The following ADAMTS18 variants were observed in gnomAD, a reference collection of about 807,000 sequenced individuals.
ADAMTS18 encodes A disintegrin and metalloproteinase with thrombospondin motifs 18.
ADAMTS18 carries 157 observed loss-of-function variants against 165.9 expected under a neutral mutation model. The ratio of observed to expected loss-of-function variants is 0.95; its 90% CI spans 0.83 to 1.08. The LOEUF (loss-of-function observed/expected upper bound fraction) is 1.08, where lower values mean the gene tolerates loss of function less well. ADAMTS18 is among the 50% of genes least tolerant of loss of function. The pLI, the probability that ADAMTS18 is intolerant of heterozygous loss-of-function variation, is 0.00. For synonymous variants in ADAMTS18, 782 were observed against 578.2 expected (o/e 1.35, Z -5.06); for missense variants, 2,040 against 1,534.0 (o/e 1.33, Z -5.51).
At position 77,291,457 on chromosome 16, in the gene ADAMTS18, C is replaced by G. The variant is rs773382041; in HGVS notation, c.3211G>C (p.Gly1071Arg). ...CACTTCATCTCCCTCTTCCTCACAC[C>G]CAAACCACAGGTTGCAGAACACTAG... is the stretch of plus-strand genomic sequence containing the variant. ...WSECSATCGL[G>R]VRKREMKCSE... Residue 1071 changes from glycine (G) to arginine (R), a missense_variant, in exon 21 of 23, where the codon GGT becomes CGT. Transcript: ENST00000282849. 2 of 1,614,162 alleles carry G rather than the reference C, an allele frequency of 1.2e-6. No individual in the cohort carries two copies. The highest frequency in any genetic ancestry group is 4.5e-5 in the East Asian group (2 of 44,876).
intron 6 of ADAMTS18, 81 bp from the exon 7 acceptor site, chr16:77,362,345 C>G: frequency 6.8e-7 from 1 of 1,476,602 alleles, no homozygotes; most frequent in Non-Finnish European, 9.4e-7. Flanking sequence ...TACAGGCAAA[C>G]ACAGAAACAT....
chr16:77,424,642 A>G (rs900168737), intron 3 of ADAMTS18, among the ~76,000 whole-genome samples: 1 of 152,174 alleles, frequency 6.6e-6, no homozygotes, highest in Non-Finnish European at 1.5e-5. Flanking sequence ...GTTTGTTATG[A>G]GCAAATAATT....
chr16:77,339,815 TC>T (rs1356484067), intron 11 of ADAMTS18, among the ~76,000 whole-genome samples: 2 of 152,182 alleles, frequency 1.3e-5, no homozygotes, highest in African/African-American at 4.8e-5. Flanking sequence ...ACATAACTCC[TC>T]AATTTTTAAA....
intron 10 of ADAMTS18, 95 bp downstream of exon 10, chr16:77,353,638 C>T: frequency 1.9e-6 from 3 of 1,558,778 alleles, no homozygotes; most frequent in Non-Finnish European, 2.7e-6. Context: ...AGAACCTAAC[C>T]CTTGGCCTTG....
intron 12 of ADAMTS18, among the ~76,000 whole-genome samples, chr16:77,334,735 T>TAGTATATATACTGTATACTAC (rs1567491830): frequency 2.6e-5 from 3 of 116,192 alleles, no homozygotes; most frequent in Admixed American, 9.9e-5. Context: ...CTATATACTA[T>TAGTATATATACTGTATACTAC]AGTATATATA....
At chr16:77,313,731 T>G (rs971816238) in intron 16 of ADAMTS18, among the ~76,000 whole-genome samples, 1 of 152,198 alleles carries the variant, frequency 6.6e-6, no homozygotes, top group African/African-American at 2.4e-5. Flanking sequence ...ACTTGGTTTG[T>G]GTACATTTGC....
intron 3 of ADAMTS18, among the ~76,000 whole-genome samples, chr16:77,372,789 C>T (rs1309591708): frequency 6.6e-6 from 1 of 152,130 alleles, no homozygotes; most frequent in Admixed American, 6.5e-5. Context: ...TAGATGCTCG[C>T]GTCTCTTATT....
rs931030783 is a variant in ADAMTS18, at chr16:77,289,387, C to T, written c.3427G>A (p.Val1143Ile). 6.2e-7 allele frequency: 1 copy of T among 1,614,044 alleles called. No individual in the cohort carries two copies. The highest frequency in any genetic ancestry group is 1.7e-5 in the Admixed American group (1 of 60,006). ...ACACAGTGGACTGACCGGGTCTGGA[C>T]CCCTCCCCCACAGGTGACTGTGCAC... ...QQCTVTCGGG[V>I]QTRSVHCVQQ... The change falls in exon 22 of 23, where the codon GTC (valine) becomes ATC (isoleucine). Residue 1143 changes from valine to isoleucine, a missense_variant. Val to Ile is a conservative substitution (Grantham distance 29). Transcript: ENST00000282849.
intron 7 of ADAMTS18, among the ~76,000 whole-genome samples, chr16:77,360,552 C>T (rs1488791511): frequency 6.7e-6 from 1 of 148,226 alleles, no homozygotes; most frequent in Non-Finnish European, 1.5e-5. Context: ...TAACAGATAA[C>T]ACTGTCTGCT....
intron 3 of ADAMTS18, among the ~76,000 whole-genome samples, chr16:77,411,016 A>T (rs2057455607): frequency 6.6e-6 from 1 of 152,068 alleles, no homozygotes; most frequent in South Asian, 2.1e-4. Flanking sequence ...TCCAACTGAA[A>T]CCCTCATTTT....
intron 3 of ADAMTS18, among the ~76,000 whole-genome samples, chr16:77,415,845 C>T (rs936514435): frequency 4.0e-5 from 6 of 151,890 alleles, no homozygotes; most frequent in East Asian, 1.9e-4. Flanking sequence ...GTATGAAGCA[C>T]TTCAAACATA....
At chr16:77,349,048 A>G (rs894960886) in intron 10 of ADAMTS18, among the ~76,000 whole-genome samples, 4 of 152,248 alleles carry the variant, frequency 2.6e-5, no homozygotes, top group Non-Finnish European at 5.9e-5. Context: ...AATGGCATGC[A>G]GTAAACTTGG....
At chr16:77,300,490 T>C in intron 16 of ADAMTS18, 86 bp from the exon 17 acceptor site, 3 of 1,474,630 alleles carry the variant, frequency 2.0e-6, no homozygotes, top group South Asian at 2.3e-5. Context: ...TTTAAAGATA[T>C]TTACATGACA....
At chr16:77,344,590 A>G (rs1038766670) in intron 10 of ADAMTS18, among the ~76,000 whole-genome samples, 2 of 152,158 alleles carry the variant, frequency 1.3e-5, no homozygotes, top group African/African-American at 4.8e-5. Flanking sequence ...ACAGCCAGGA[A>G]AAAGCCATAA....
intron 12 of ADAMTS18, among the ~76,000 whole-genome samples, chr16:77,334,625 A>ATATAC (rs796189884): frequency 8.9e-6 from 1 of 111,894 alleles, no homozygotes. Context: ...TATAGTATAT[A>ATATAC]TACTATAGTA....
chr16:77,357,592 T>C (rs1005605053), intron 8 of ADAMTS18, among the ~76,000 whole-genome samples: 3 of 152,154 alleles, frequency 2.0e-5, no homozygotes, highest in Non-Finnish European at 4.4e-5. Flanking sequence ...GTAGGAGAGA[T>C]TGAAGCCATT....
chr16:77,297,874 C>G (rs115707337), intron 17 of ADAMTS18, among the ~76,000 whole-genome samples: 360 of 140,392 alleles, frequency 2.6e-3, no homozygotes, highest in African/African-American at 9.0e-3. Context: ...GTAGAACTCA[C>G]TAAATATGTA....
chr16:77,434,414 G>T lies in ADAMTS18; in HGVS notation c.178+4C>A. Reference sequence around the variant, plus strand: ...CTTCTTGGGGATGGGGGGCAAATACGAACCATCATTTAATCCGCTGGCGCC... The same window carrying T: ...CTTCTTGGGGATGGGGGGCAAATACTAACCATCATTTAATCCGCTGGCGCC... On this transcript the variant is annotated splice_donor_region_variant and intron_variant, in intron 2 of 22. Transcript: ENST00000282849. 2 of 1,568,024 alleles carry T rather than the reference G, an allele frequency of 1.3e-6. No homozygotes were observed. The highest frequency in any genetic ancestry group is 1.7e-4 in the Middle Eastern group (1 of 6,004).
intron 3 of ADAMTS18, among the ~76,000 whole-genome samples, chr16:77,369,148 T>G (rs1007772388): frequency 1.3e-5 from 2 of 152,242 alleles, no homozygotes; most frequent in African/African-American, 4.8e-5. Context: ...TATGCTTTAT[T>G]GATATCCTCA....
Sources: gnomAD v4.1 joint callset for allele counts (sites outside exome capture counted in the v4.1 genomes callset) on GRCh38, gnomAD v4.1.1 for gene constraint, MANE v1.5 for transcripts, NCBI Gene and HGNC (gene_info 2026-07-23, HGNC 2026-07-21) for gene names.